The following SPG7 variants were observed in gnomAD, a reference collection of about 807,000 sequenced individuals.
SPG7 encodes mitochondrial inner membrane m-AAA protease component paraplegin.
Under a neutral mutation model 81.9 loss-of-function variants are expected in SPG7, and 103 were observed. The ratio of observed to expected loss-of-function variants is 1.26; its 90% CI spans 1.07 to 1.48. The LOEUF (loss-of-function observed/expected upper bound fraction) is 1.48, where lower values mean the gene tolerates loss of function less well. Among genes scored for constraint, SPG7 ranks in the 40% most tolerant of loss-of-function variants. The pLI is 0.00. For synonymous variants in SPG7, 534 were observed against 444.2 expected, an observed-to-expected ratio of 1.20 and a Z score of -2.54; for missense variants, 1,241 against 1,087.3, an observed-to-expected ratio of 1.14 and a Z score of -1.99.
At position 89,508,414 on chromosome 16, in the gene SPG7, C is replaced by G. The variant is rs1390608252; in HGVS notation, c.-4C>G. On this transcript the variant is annotated 5_prime_UTR_variant, in exon 1 of 17. Transcript: ENST00000645818. ...GATCACGCAGGCGCGGCTTTCAGGC[C>G]AACATGGCCGTGCTGCTGCTGCTGC... 4 of 1,486,286 alleles carry G rather than the reference C, an allele frequency of 2.7e-6. No homozygotes were observed. In the East Asian group the frequency reaches 1.1e-4, roughly 42 times the overall value. 92.1% of individuals were successfully genotyped at this position (1,486,286 alleles called of 1,614,324 possible).
intron 9 of SPG7, chr16:89,540,222 C>G (rs1344041322): frequency 6.6e-6 from 1 of 152,166 alleles, no homozygotes; most frequent in African/African-American, 2.4e-5. Flanking sequence ...TTAGAATACG[C>G]TTGTTCCTAT....
intron 12 of SPG7, chr16:89,549,762 G>A (rs978540071): frequency 1.2e-4 from 19 of 164,066 alleles, no homozygotes; most frequent in Admixed American, 2.8e-4. Context: ...TGGGAGCTGC[G>A]CCTCCAGGTC....
At chr16:89,513,158 C>T in intron 3 of SPG7, 121 bp downstream of exon 3, 1 of 1,429,576 alleles carries the variant, frequency 7.0e-7, no homozygotes, top group South Asian at 1.2e-5. Flanking sequence ...TGCAGTGGCT[C>T]ACACTTGTAA....
intron 3 of SPG7, among the ~76,000 whole-genome samples, chr16:89,516,136 C>T (rs1483895618): frequency 5.3e-5 from 8 of 152,086 alleles, no homozygotes; most frequent in Non-Finnish European, 8.8e-5. Flanking sequence ...CACAGGCATG[C>T]AACACCAAGC....
intron 11 of SPG7, chr16:89,547,039 G>T: frequency 2.4e-6 from 1 of 425,338 alleles, no homozygotes. Flanking sequence ...CTTCCACACA[G>T]TGACCAGTCA....
intron 1 of SPG7, 24 bp downstream of exon 1, chr16:89,508,624 C>G: frequency 7.0e-7 from 1 of 1,435,828 alleles, no homozygotes; most frequent in Non-Finnish European, 9.1e-7. Flanking sequence ...GAGTCCGGGC[C>G]CCACCTCCCG....
At chr16:89,514,137 G>C (rs2058058966) in intron 3 of SPG7, among the ~76,000 whole-genome samples, 2 of 152,020 alleles carry the variant, frequency 1.3e-5, no homozygotes, top group Non-Finnish European at 2.9e-5. Context: ...GGCGTTTCTG[G>C]CTTTAGGCTC....
At chr16:89,525,419 C>G (rs1231221734) in intron 4 of SPG7, among the ~76,000 whole-genome samples, 2 of 152,188 alleles carry the variant, frequency 1.3e-5, no homozygotes, top group Non-Finnish European at 2.9e-5. Flanking sequence ...ATGCTCAGCT[C>G]TAGACGAGTC....
chr16:89,553,796 G>C lies in SPG7; in HGVS notation c.1939G>C (p.Ala647Pro). Residue 647 changes from alanine to proline, a missense_variant and splice_region_variant, in exon 15 of 17, where the codon GCA becomes CCA. Coordinates refer to ENST00000645818, the MANE Select transcript of SPG7 (RefSeq NM_003119.4). ...ALSFNEVTSG[A>P]QDDLRKVTRI... ...TCTGTCTCGACCCCGCCCTCCAGGG[G>C]CACAGGACGACCTGAGGAAGGTCAC... is the stretch of plus-strand genomic sequence containing the variant. The C allele has an allele frequency of 6.2e-7, 1 of 1,613,462 alleles. No individual in the cohort carries two copies. The highest frequency in any genetic ancestry group is 8.5e-7 in the Non-Finnish European group (1 of 1,180,010).
At chr16:89,543,047 A>C (rs969989037) in intron 9 of SPG7, 11 of 141,558 alleles carry the variant, frequency 7.8e-5, no homozygotes, top group Non-Finnish European at 1.5e-4. Context: ...CTTCAGGTTC[A>C]CGCCATTCTC....
intron 15 of SPG7, 64 bp from the exon 16 acceptor site, chr16:89,554,422 C>T (rs2058666929): frequency 1.8e-6 from 2 of 1,133,506 alleles, no homozygotes; most frequent in South Asian, 2.5e-5. Context: ...CATTTCTTTT[C>T]TGTGCTTTGG....
At position 89,537,338 on chromosome 16, in the gene SPG7, C is replaced by T. The variant is rs1341955710; in HGVS notation, c.1324+4702C>T. On this transcript the variant is annotated intron_variant, in intron 9 of 16. Transcript: ENST00000645818. ...CACTGGAGGCACCGCCGGCGATGGACGTCCAGGTCCCGGCTCCTGTGCTGG... is the reference window on the plus strand; with the variant it reads ...CACTGGAGGCACCGCCGGCGATGGATGTCCAGGTCCCGGCTCCTGTGCTGG... The T allele has an allele frequency of 4.3e-6, 5 of 1,175,876 alleles. No homozygotes were observed. In the African/African-American group the frequency reaches 6.3e-5, roughly 15 times the overall value. The allele number at this position is 1,175,876 out of a possible 1,614,324, so 72.8% of individuals were successfully genotyped here.
intron 2 of SPG7, among the ~76,000 whole-genome samples, chr16:89,511,482 G>A (rs2058021568): frequency 6.6e-6 from 1 of 152,226 alleles, no homozygotes; most frequent in Admixed American, 6.5e-5. Context: ...ACAGCTTTGT[G>A]CCAACACATG....
intron 3 of SPG7, chr16:89,521,411 G>A (rs2058186292): frequency 6.6e-6 from 1 of 152,212 alleles, no homozygotes; most frequent in Admixed American, 6.5e-5. Context: ...AAGCAGAAGA[G>A]GTGTTTATTG....
rs376467458 is a variant in SPG7 at position 89,529,472 on chromosome 16, G to T, written c.759-5G>T. 2 of 1,607,114 alleles carry T rather than the reference G, an allele frequency of 1.2e-6. No individual in the cohort carries two copies. The highest frequency in any genetic ancestry group is 3.3e-5 in the Admixed American group (2 of 59,728). Reference sequence around the variant, plus strand: ...GCCTGTGCCTGCCTCTCTTTCTTCCGGCAGTGCCCTGTACTCTGTGGGGAT... The same window carrying T: ...GCCTGTGCCTGCCTCTCTTTCTTCCTGCAGTGCCCTGTACTCTGTGGGGAT... On this transcript the variant is annotated splice_polypyrimidine_tract_variant and splice_region_variant and intron_variant, in intron 5 of 16. Coordinates refer to ENST00000645818, the MANE Select transcript of SPG7 (RefSeq NM_003119.4).
At chr16:89,525,405 C>T (rs957392885) in intron 4 of SPG7, among the ~76,000 whole-genome samples, 2 of 152,208 alleles carry the variant, frequency 1.3e-5, no homozygotes, top group African/African-American at 4.8e-5. Context: ...TAACCTACAA[C>T]ACTATGCTCA....
chr16:89,530,739 C>T lies in SPG7; in HGVS notation c.918C>T (p.Val306=), dbSNP rs764382327. 1 of 1,614,182 alleles carries T rather than the reference C, an allele frequency of 6.2e-7. No homozygotes were observed. Among genetic ancestry groups the T allele is most frequent in the Admixed American group, 1.7e-5 (1 of 60,020 alleles). ...TGGATGGGAAGATGGGGAAAGGAGT[C>T]AGCTTCAAAGACGTGGCAGGAATGC... ...TIVDGKMGKG[V]SFKDVAGMHE... is the part of the protein sequence containing the mutation. The change falls in exon 7 of 17, where the codon GTC becomes GTT. Residue 306 remains valine (V), a synonymous_variant. Coordinates refer to ENST00000645818, the MANE Select transcript of SPG7 (RefSeq NM_003119.4).
At position 89,526,457 on chromosome 16, in the gene SPG7, AT is replaced by A. The variant is rs1355240257; in HGVS notation, c.749del (p.Phe250SerfsTer11). The A allele has an allele frequency of 6.2e-7, 1 of 1,614,060 alleles. No homozygotes were observed. Among genetic ancestry groups the A allele is most frequent in the Non-Finnish European group, 8.5e-7 (1 of 1,180,032 alleles). On this transcript the variant is annotated frameshift_variant, in exon 5 of 17. Transcript: ENST00000645818. LOFTEE classifies it high-confidence loss of function. Reference sequence around the variant, plus strand: ...TCCCAGTTTCCTACAAGCGAACAGGATTCTTTGGAAAGTATGTTGGATGTAT... The same window carrying A: ...TCCCAGTTTCCTACAAGCGAACAGGATCTTTGGAAAGTATGTTGGATGTAT... ...RIPVSYKRTG[F>X]FGNALYSVGM...
At chr16:89,524,281 G>C (rs778768534) in intron 4 of SPG7, 34 bp downstream of exon 4, 1 of 1,590,982 alleles carries the variant, frequency 6.3e-7, no homozygotes, top group Non-Finnish European at 8.6e-7. Context: ...GTGAGTGAGG[G>C]TGTGGGCACA....
Sources: allele counts gnomAD v4.1 joint callset (sites outside exome capture counted in the v4.1 genomes callset), GRCh38; gene constraint gnomAD v4.1.1; transcripts MANE v1.5; gene names NCBI Gene and HGNC (gene_info 2026-07-23, HGNC 2026-07-21).